The following SLC9A2 variants were observed in gnomAD, a reference collection of about 807,000 sequenced individuals.
SLC9A2 encodes the protein solute carrier family 9 member A2.
Under a neutral mutation model 71.7 loss-of-function variants are expected in SLC9A2, and 42 were observed. The ratio of observed to expected loss-of-function variants is 0.59; its 90% CI spans 0.46 to 0.76. The LOEUF is 0.76. Ranked by LOEUF, SLC9A2 falls within the 30% of genes least tolerant of loss-of-function variation. The pLI is 0.00. For synonymous variants in SLC9A2, 396 were observed against 392.5 expected (o/e 1.01, Z -0.10); for missense variants, 829 against 1,017.4 (o/e 0.81, Z 2.52).
chr2:102,657,535 G>A (rs757616169), intron 1 of SLC9A2, 29 bp from the exon 2 acceptor site: 2 of 1,501,486 alleles, frequency 1.3e-6, no homozygotes, highest in Admixed American at 2.0e-5. Flanking sequence ...CATAACCCAA[G>A]TTGTGTGTTT....
intron 3 of SLC9A2, among the ~76,000 whole-genome samples, chr2:102,670,854 T>TG (rs1677236145): frequency 6.8e-6 from 1 of 146,670 alleles, no homozygotes; most frequent in Admixed American, 6.8e-5. Context: ...GCATGCTTTT[T>TG]TTTTTTTTTT....
intron 5 of SLC9A2, among the ~76,000 whole-genome samples, chr2:102,684,978 T>C (rs1414355112): frequency 2.6e-5 from 4 of 152,148 alleles, no homozygotes; most frequent in Non-Finnish European, 1.5e-5. Context: ...TTGGTAGCAC[T>C]AAACAAGAAA....
rs6708290 is a variant in SLC9A2 at position 102,665,019 on chromosome 2, C to T, written c.754-81C>T. On this transcript the variant is annotated intron_variant, in intron 2 of 11. Transcript: ENST00000233969. ...CAGAAGAAATGTCCTTATTAGAAGT[C>T]CAGGTAGATGTGTTTGTGCCCAGAG... The T allele has an allele frequency of 3.2e-3, 4,516 of 1,418,430 alleles. 126 individuals are homozygous for T. In the African/African-American group the frequency reaches 0.056, roughly 18 times the overall value. The allele number at this position is 1,418,430 out of a possible 1,614,324, so 87.9% of individuals were successfully genotyped here. A position where few individuals can be genotyped will look rare whatever the true frequency, so the allele number is the denominator to read the frequency against.
chr2:102,653,006 C>A lies in SLC9A2; in HGVS notation c.290-4558C>A, dbSNP rs11896252. 2.5e-3 allele frequency among the ~76,000 whole-genome samples: 388 copies of A among 152,252 alleles called. 3 individuals are homozygous for A. Among genetic ancestry groups the A allele is most frequent in the African/African-American group, 8.9e-3 (368 of 41,546 alleles). ...TCTGTGAACAATGAAATTTAAGAAG[C>A]CTTCTTTTGTTTGTTGTCACTAATT... On this transcript the variant is annotated intron_variant, in intron 1 of 11. Coordinates refer to ENST00000233969, the MANE Select transcript of SLC9A2 (RefSeq NM_003048.6).
At chr2:102,655,961 A>G (rs564827216) in intron 1 of SLC9A2, among the ~76,000 whole-genome samples, 9 of 152,334 alleles carry the variant, frequency 5.9e-5, no homozygotes, top group South Asian at 2.1e-4. Flanking sequence ...CATCCCACCA[A>G]TGAGGAAGGA....
chr2:102,693,695 C>A lies in SLC9A2; in HGVS notation c.1426-719C>A, dbSNP rs530787939. On this transcript the variant is annotated intron_variant, in intron 5 of 11. Transcript: ENST00000233969. ...CTCCTCTGCTCCAAGCTTTCCTTGA[C>A]CTGCTTCCTGTGCTAGCCCTGTCAT... 4.6e-5 allele frequency among the ~76,000 whole-genome samples: 7 copies of A among 152,326 alleles called. No individual in the cohort carries two copies. The South Asian group carries it at 1.0e-3, about 23-fold the overall frequency.
chr2:102,686,647 T>A (rs1363100903), intron 5 of SLC9A2: 1 of 152,316 alleles, frequency 6.6e-6, no homozygotes, highest in African/African-American at 2.4e-5. Context: ...GCCCTCTTTA[T>A]TTTGGAAGAC....
At chr2:102,683,721 C>T (rs1461424544) in intron 4 of SLC9A2, among the ~76,000 whole-genome samples, 1 of 145,056 alleles carries the variant, frequency 6.9e-6, no homozygotes, top group South Asian at 2.4e-4. Flanking sequence ...CTATTATCTT[C>T]TTCCTCATCC....
At chr2:102,628,634 T>C (rs1676299444) in intron 1 of SLC9A2, among the ~76,000 whole-genome samples, 1 of 152,148 alleles carries the variant, frequency 6.6e-6, no homozygotes, top group African/African-American at 2.4e-5. Flanking sequence ...TTAAACCCCC[T>C]TGTGATATTT....
intron 1 of SLC9A2, among the ~76,000 whole-genome samples, chr2:102,652,637 A>G (rs1279708216): frequency 1.3e-5 from 2 of 152,122 alleles, no homozygotes; most frequent in African/African-American, 4.8e-5. Context: ...CCCTTGTCTT[A>G]TCTTCTGTGC....
chr2:102,667,552 T>C (rs908225885), intron 3 of SLC9A2, among the ~76,000 whole-genome samples: 4 of 151,966 alleles, frequency 2.6e-5, no homozygotes, highest in Admixed American at 2.6e-4. Flanking sequence ...GATGGAAGGG[T>C]TGGAAGGCCT....
chr2:102,691,946 C>G (rs905554886), intron 5 of SLC9A2, among the ~76,000 whole-genome samples: 1 of 152,168 alleles, frequency 6.6e-6, no homozygotes, highest in Non-Finnish European at 1.5e-5. Context: ...GAAAAGAGCA[C>G]GTGAAACAGC....
Position 102,668,053 on chromosome 2 carries a change from A to G in SLC9A2, c.1004+2703A>G, listed in dbSNP as rs1012361511. Among the ~76,000 whole-genome samples the G allele has an allele frequency of 1.4e-4, 22 of 152,168 alleles. 1 individual carries two copies. The highest frequency in any genetic ancestry group is 2.9e-5 in the Non-Finnish European group (2 of 68,028). On this transcript the variant is annotated intron_variant, in intron 3 of 11. Coordinates refer to ENST00000233969, the MANE Select transcript of SLC9A2 (RefSeq NM_003048.6). ...CACACCACTGCCCTCCAGCCCAGAC[A>G]ACAGATTGAGACTCGGTCTCAAAAA...
rs185673528 is a variant in SLC9A2 at position 102,675,819 on chromosome 2, G to A, written c.1005-7442G>A. ...CCTCCAATACAATTTTAAATAAAATGACTCAAATTTCAGCTTTTTTCTCAT... is the reference window on the plus strand; with the variant it reads ...CCTCCAATACAATTTTAAATAAAATAACTCAAATTTCAGCTTTTTTCTCAT... On this transcript the variant is annotated intron_variant, in intron 3 of 11. Transcript: ENST00000233969. Among the ~76,000 whole-genome samples the A allele has an allele frequency of 2.4e-3, 373 of 152,278 alleles. 7 individuals are homozygous for A. Among genetic ancestry groups the A allele is most frequent in the African/African-American group, 8.5e-3 (352 of 41,558 alleles).
chr2:102,644,845 C>T (rs936031189), intron 1 of SLC9A2, among the ~76,000 whole-genome samples: 9 of 152,178 alleles, frequency 5.9e-5, no homozygotes, highest in East Asian at 1.9e-4. Flanking sequence ...ACAGAGCACC[C>T]GCGAGAAGGG....
intron 1 of SLC9A2, among the ~76,000 whole-genome samples, chr2:102,620,904 T>C (rs1861227): frequency 0.13 from 20,426 of 151,828 alleles, 2,792 homozygotes; most frequent in African/African-American, 0.35. Context: ...GGCGAGGTGA[T>C]TCACGCCTGT....
chr2:102,621,924 C>T (rs900887569), intron 1 of SLC9A2, among the ~76,000 whole-genome samples: 1 of 152,072 alleles, frequency 6.6e-6, no homozygotes, highest in Admixed American at 6.5e-5. Flanking sequence ...GAGTGCAAAG[C>T]AGGTAGAAGG....
At chr2:102,626,747 C>G (rs1418933655) in intron 1 of SLC9A2, among the ~76,000 whole-genome samples, 1 of 152,226 alleles carries the variant, frequency 6.6e-6, no homozygotes, top group African/African-American at 2.4e-5. Flanking sequence ...ACAACCCCAT[C>G]AACAAGTGGG....
At position 102,704,655 on chromosome 2, in the gene SLC9A2, A is replaced by G; in HGVS notation, c.1957A>G (p.Ser653Gly). ...GCGAGAAAGCATTAGGAAGGACAGC[A>G]GCTTGAATCGAGAACACAGGGTAAC... ...SLRESIRKDS[S>G]LNREHRASTS... The change falls in exon 10 of 12, where the codon AGC becomes GGC. Residue 653 changes from serine (S) to glycine (G), a missense_variant. Physicochemically the swap from Ser to Gly is moderately conservative, Grantham distance 56. Around this residue, in one of 3 missense-constraint regions of SLC9A2, gnomAD observed 223 missense variants for 197.5 expected, o/e 1.13. Coordinates refer to ENST00000233969, the MANE Select transcript of SLC9A2 (RefSeq NM_003048.6). 1.2e-6 allele frequency: 2 copies of G among 1,612,718 alleles called. No individual in the cohort carries two copies. Among genetic ancestry groups the G allele is most frequent in the South Asian group, 1.1e-5 (1 of 91,070 alleles).
Sources: gnomAD v4.1 joint callset for allele counts (sites outside exome capture counted in the v4.1 genomes callset) on GRCh38, gnomAD v4.1.1 for gene constraint, gnomAD v4.1.1 regional missense constraint, MANE v1.5 for transcripts, NCBI Gene and HGNC (gene_info 2026-07-23, HGNC 2026-07-21) for gene names.